Variants in SLC6A5 observed in about 807,000 individuals in gnomAD.
SLC6A5 encodes the protein sodium- and chloride-dependent glycine transporter 2.
SLC6A5 carries 58 observed loss-of-function variants against 90.5 expected under a neutral mutation model. That is an observed-to-expected ratio of 0.64 (90% CI 0.52 to 0.80). SLC6A5 has a LOEUF of 0.80. Among genes scored for constraint, SLC6A5 ranks in the 30% least tolerant of loss-of-function variants. The pLI is 0.00. For missense variants in SLC6A5, 1,015 were observed against 1,017.6 expected (o/e 1.00, Z 0.03); for synonymous variants, 427 against 401.4 (o/e 1.06, Z -0.76).
intron 14 of SLC6A5, among the ~76,000 whole-genome samples, chr11:20,651,699 G>C (rs546475648): frequency 6.6e-6 from 1 of 152,144 alleles, no homozygotes; most frequent in Admixed American, 6.5e-5. Flanking sequence ...CCTGAGGTCA[G>C]GAGTTTGAGA....
chr11:20,605,329 G>A (rs1331715653), intron 3 of SLC6A5, among the ~76,000 whole-genome samples: 4 of 152,210 alleles, frequency 2.6e-5, no homozygotes, highest in African/African-American at 9.6e-5. Context: ...TCTTGGGTCC[G>A]CTTCAGGCGG....
chr11:20,618,632 C>A (rs184339058), intron 7 of SLC6A5, among the ~76,000 whole-genome samples: 3 of 152,236 alleles, frequency 2.0e-5, no homozygotes, highest in East Asian at 3.9e-4. Flanking sequence ...CATCTCCTTG[C>A]AGCCTTAGAA....
intron 5 of SLC6A5, among the ~76,000 whole-genome samples, chr11:20,611,220 C>T (rs918047055): frequency 6.6e-6 from 1 of 152,116 alleles, no homozygotes; most frequent in African/African-American, 2.4e-5. Context: ...CTTGGGAAGC[C>T]AAGGTGGATG....
Position 20,601,188 on chromosome 11 carries a change from G to A in SLC6A5, c.63G>A (p.Ala21=). ...CAGCCAACAGCCCGGAGGCGGCGGC[G>A]GCGCAGGGCCACCCGGATGGCCCAT... ...KLPANSPEAA[A]AQGHPDGPCA... is the part of the protein sequence containing the mutation. Residue 21 remains alanine, a synonymous_variant, in exon 2 of 16, where the codon GCG becomes GCA. Coordinates refer to ENST00000525748, the MANE Select transcript of SLC6A5 (RefSeq NM_004211.5). 1.3e-6 allele frequency: 2 copies of A among 1,587,448 alleles called. No individual in the cohort carries two copies. The highest frequency in any genetic ancestry group is 2.2e-5 in the South Asian group (2 of 89,218).
chr11:20,601,405 C>T lies in SLC6A5; in HGVS notation c.280C>T (p.Leu94=). The T allele has an allele frequency of 6.2e-7, 1 of 1,605,422 alleles. No homozygotes were observed. The highest frequency in any genetic ancestry group is 1.3e-5 in the African/African-American group (1 of 74,920). Residue 94 remains leucine, a synonymous_variant, in exon 2 of 16, where the codon CTG becomes TTG. Transcript: ENST00000525748. ...GCGGGCGCAGGCGGCCTCTGCAGCT[C>T]TGCGGGACTTGAGAGAGGCGCAAGG... The part of the protein sequence containing the change: ...SPRAQAASAA[L]RDLREAQGAQ...
chr11:20,637,718 G>T (rs1213340891), intron 12 of SLC6A5, among the ~76,000 whole-genome samples: 4 of 152,134 alleles, frequency 2.6e-5, no homozygotes, highest in African/African-American at 9.7e-5. Flanking sequence ...GTGGGACCCT[G>T]CCTCTAAAAA....
chr11:20,641,186 G>C (rs1853306208), intron 13 of SLC6A5, among the ~76,000 whole-genome samples: 1 of 152,040 alleles, frequency 6.6e-6, no homozygotes, highest in South Asian at 2.1e-4. Flanking sequence ...ATTTTTTCTG[G>C]AGCCAGTACA....
chr11:20,613,804 T>C (rs1443967639), intron 5 of SLC6A5, among the ~76,000 whole-genome samples: 1 of 151,874 alleles, frequency 6.6e-6, no homozygotes, highest in Admixed American at 6.6e-5. Context: ...GGACTACAGG[T>C]GTGTGCCATC....
At chr11:20,629,096 T>C (rs1853058039) in intron 9 of SLC6A5, 1 of 151,904 alleles carries the variant, frequency 6.6e-6, no homozygotes, top group Admixed American at 6.6e-5. Context: ...AGGATTTCAG[T>C]GTAGCCCTGG....
At chr11:20,630,007 G>A (rs570244793) in intron 9 of SLC6A5, among the ~76,000 whole-genome samples, 1 of 152,290 alleles carries the variant, frequency 6.6e-6, no homozygotes, top group African/African-American at 2.4e-5. Flanking sequence ...ACAGGTATGA[G>A]CCACCGTGCC....
intron 5 of SLC6A5, among the ~76,000 whole-genome samples, chr11:20,613,058 T>C (rs1312623974): frequency 6.6e-6 from 1 of 152,214 alleles, no homozygotes; most frequent in East Asian, 1.9e-4. Flanking sequence ...CTGTAGGTGT[T>C]TGAATTTATA....
intron 11 of SLC6A5, among the ~76,000 whole-genome samples, chr11:20,636,923 G>T (rs534764477): frequency 6.6e-6 from 1 of 152,228 alleles, no homozygotes; most frequent in Admixed American, 6.5e-5. Flanking sequence ...CTGTCCTAAT[G>T]GGTGAATATG....
rs1305364477 is a variant in SLC6A5, at chr11:20,655,003, TTATG to T, written c.*138_*141del. 1.2e-5 allele frequency: 12 copies of T among 979,244 alleles called. No individual in the cohort carries two copies. In the African/African-American group the frequency reaches 1.9e-4, roughly 16 times the overall value. 60.7% of individuals were successfully genotyped at this position (979,244 alleles called of 1,614,324 possible). A position where few individuals can be genotyped will look rare whatever the true frequency, so the allele number is the denominator to read the frequency against. On this transcript the variant is annotated 3_prime_UTR_variant, in exon 16 of 16. Coordinates refer to ENST00000525748, the MANE Select transcript of SLC6A5 (RefSeq NM_004211.5). ...GGTTCACATCCACGCATGAGAGTGATTATGTAGAAAAGTAGGCATAGTGTCGCAT... is the reference window on the plus strand; with the variant it reads ...GGTTCACATCCACGCATGAGAGTGATTAGAAAAGTAGGCATAGTGTCGCAT...
chr11:20,615,826 G>A (rs1319337966), intron 6 of SLC6A5, among the ~76,000 whole-genome samples: 3 of 152,140 alleles, frequency 2.0e-5, no homozygotes, highest in African/African-American at 7.2e-5. Context: ...TGAGATGATA[G>A]GGAGGGGGTG....
intron 11 of SLC6A5, among the ~76,000 whole-genome samples, chr11:20,636,897 C>CTT (rs1853218235): frequency 1.3e-5 from 2 of 152,040 alleles, no homozygotes; most frequent in Non-Finnish European, 2.9e-5. Context: ...CTCATGAATA[C>CTT]AAAGTGAAAC....
rs1852460592 is a variant in SLC6A5, at chr11:20,601,032, G to A, written c.4-97G>A. On this transcript the variant is annotated intron_variant, in intron 1 of 15. Coordinates refer to ENST00000525748, the MANE Select transcript of SLC6A5 (RefSeq NM_004211.5). ...TCCAATTTGCTTCCCCAGATATTGT[G>A]TCTGGACCTGAGTTGCGAACGTCTC... 1.0e-5 allele frequency: 13 copies of A among 1,257,212 alleles called. No homozygotes were observed. In the South Asian group the frequency reaches 1.2e-4, roughly 11 times the overall value. 77.9% of individuals were successfully genotyped at this position (1,257,212 alleles called of 1,614,324 possible).
At position 20,628,055 on chromosome 11, in the gene SLC6A5, T is replaced by C; in HGVS notation, c.1471T>C (p.Tyr491His). The C allele has an allele frequency of 6.2e-7, 1 of 1,614,094 alleles. No homozygotes were observed. Among genetic ancestry groups the C allele is most frequent in the Non-Finnish European group, 8.5e-7 (1 of 1,179,960 alleles). ...AWGGLITLSS[Y>H]NKFHNNCYRD... ...GGGAGGCCTGATCACTCTCTCTTCTTACAACAAATTCCACAACAACTGCTA... is the reference window on the plus strand; with the variant it reads ...GGGAGGCCTGATCACTCTCTCTTCTCACAACAAATTCCACAACAACTGCTA... Residue 491 changes from tyrosine (Y) to histidine (H), a missense_variant, in exon 9 of 16, where the codon TAC becomes CAC. This residue lies in a region of SLC6A5 where 442 missense variants were observed against 494.3 expected (regional missense o/e 0.89). Coordinates refer to ENST00000525748, the MANE Select transcript of SLC6A5 (RefSeq NM_004211.5).
intron 3 of SLC6A5, among the ~76,000 whole-genome samples, chr11:20,606,413 A>G (rs1852582284): frequency 6.6e-6 from 1 of 152,200 alleles, no homozygotes; most frequent in African/African-American, 2.4e-5. Context: ...GAAGGATGGA[A>G]GGAACTTCTC....
In SLC6A5 at chr11:20,655,297, C is replaced by T; in HGVS notation, c.*429C>T. ...GAACAGAACTGAGCAATGTGGTGAT[C>T]TTGTTCAGACACACAAAGTTCAAGA... On this transcript the variant is annotated 3_prime_UTR_variant, in exon 16 of 16. Transcript: ENST00000525748. 4.3e-6 allele frequency: 1 copy of T among 233,882 alleles called. No homozygotes were observed. The highest frequency in any genetic ancestry group is 8.6e-6 in the Non-Finnish European group (1 of 116,796). The allele number at this position is 233,882 out of a possible 1,614,324, so 14.5% of individuals were successfully genotyped here.
Sources: gnomAD v4.1 joint callset for allele counts (sites outside exome capture counted in the v4.1 genomes callset) on GRCh38, gnomAD v4.1.1 for gene constraint, gnomAD v4.1.1 regional missense constraint, MANE v1.5 for transcripts, NCBI Gene and HGNC (gene_info 2026-07-23, HGNC 2026-07-21) for gene names.